Variants in HELZ observed in about 807,000 individuals in gnomAD.
The protein encoded by HELZ is ATP-dependent RNA helicase with zinc finger domain.
In HELZ, 23 loss-of-function variants were observed where a neutral mutation model predicts 218.2. The observed-to-expected ratio is 0.11, with a 90% CI of 0.08 to 0.15. The LOEUF (loss-of-function observed/expected upper bound fraction) is 0.15. Ranked by LOEUF, HELZ falls within the 10% of genes least tolerant of loss-of-function variation. HELZ has a pLI of 1.00. For synonymous variants in HELZ, 814 were observed against 829.4 expected, an observed-to-expected ratio of 0.98 and a Z score of 0.32; for missense variants, 1,813 against 2,353.7, an observed-to-expected ratio of 0.77 and a Z score of 4.75.
chr17:67,072,051 C>CT lies in HELZ; in HGVS notation c.*6200_*6201insA, dbSNP rs1345789068. 2.0e-5 allele frequency: 3 copies of CT among 152,228 alleles called. No individual in the cohort carries two copies. Among genetic ancestry groups the CT allele is most frequent in the Admixed American group, 6.6e-5 (1 of 15,232 alleles). 9.4% of individuals were successfully genotyped at this position (152,228 alleles called of 1,614,324 possible). On this transcript the variant is annotated 3_prime_UTR_variant, in exon 33 of 33. Transcript: ENST00000358691. ...ATAATAATAACCATAAAAACTAAAA[C>CT]ATTTGCCAGGCGCAGTGGCTCATGC... is the stretch of plus-strand genomic sequence containing the variant.
chr17:67,107,794 A>T, intron 30 of HELZ, 109 bp from the exon 31 acceptor site: 4 of 919,210 alleles, frequency 4.4e-6, no homozygotes, highest in Non-Finnish European at 6.6e-6. Context: ...TAGTACTAAT[A>T]ACTAGAACTG....
intron 32 of HELZ, among the ~76,000 whole-genome samples, chr17:67,086,403 G>A (rs901862926): frequency 6.6e-6 from 1 of 151,278 alleles, no homozygotes; most frequent in African/African-American, 2.4e-5. Context: ...TAGCCAACAC[G>A]GTGAAACCCC....
chr17:67,125,055 C>T (rs962170966), intron 24 of HELZ, among the ~76,000 whole-genome samples: 3 of 150,802 alleles, frequency 2.0e-5, no homozygotes, highest in Admixed American at 6.6e-5. Context: ...TTGACAAAAG[C>T]AAAAATACAA....
intron 19 of HELZ, among the ~76,000 whole-genome samples, chr17:67,149,474 A>G (rs1437350253): frequency 2.6e-5 from 4 of 152,192 alleles, no homozygotes; most frequent in Non-Finnish European, 2.9e-5. Flanking sequence ...CTAGTTTTCT[A>G]TTACACCAAA....
At chr17:67,232,538 CAA>C (rs985576153) in intron 3 of HELZ, among the ~76,000 whole-genome samples, 1 of 152,158 alleles carries the variant, frequency 6.6e-6, no homozygotes, top group African/African-American at 2.4e-5. Flanking sequence ...TTAATTCGCC[CAA>C]AGACACAAAA....
intron 5 of HELZ, among the ~76,000 whole-genome samples, chr17:67,211,673 C>CA (rs1356302365): frequency 1.3e-5 from 2 of 152,210 alleles, no homozygotes; most frequent in East Asian, 3.9e-4. Flanking sequence ...CCAGCCTGGC[C>CA]AACATGGTGA....
chr17:67,154,574 T>TA (rs1474347562), intron 17 of HELZ, among the ~76,000 whole-genome samples: 1 of 152,178 alleles, frequency 6.6e-6, no homozygotes, highest in African/African-American at 2.4e-5. Context: ...AAATTGCTAT[T>TA]AAAAGTCAGC....
Position 67,075,369 on chromosome 17 carries a change from T to C in HELZ, c.*2883A>G, listed in dbSNP as rs973755106. 6.6e-6 allele frequency: 1 copy of C among 152,128 alleles called. No individual in the cohort carries two copies. The highest frequency in any genetic ancestry group is 6.5e-5 in the Admixed American group (1 of 15,274). 9.4% of individuals were successfully genotyped at this position (152,128 alleles called of 1,614,324 possible). A position where few individuals can be genotyped will look rare whatever the true frequency, so the allele number is the denominator to read the frequency against. The stretch of plus-strand genomic sequence containing the variant: ...TAGAAAAAAATCTGCTCTGAAGAAA[T>C]GGAAGCTGGTAATACTTGGTATTAT... On this transcript the variant is annotated 3_prime_UTR_variant, in exon 33 of 33. Transcript: ENST00000358691.
chr17:67,227,602 G>A (rs2143397670), intron 3 of HELZ, among the ~76,000 whole-genome samples: 1 of 152,262 alleles, frequency 6.6e-6, no homozygotes, highest in African/African-American at 2.4e-5. Context: ...GACAAGAATG[G>A]AGCCTCAAAA....
chr17:67,126,845 G>A (rs991254790), intron 24 of HELZ, among the ~76,000 whole-genome samples: 2 of 152,130 alleles, frequency 1.3e-5, no homozygotes, highest in African/African-American at 4.8e-5. Context: ...CCGGGCAACA[G>A]AGCAAGACTG....
At chr17:67,090,119 G>A (rs1420100084) in intron 31 of HELZ, among the ~76,000 whole-genome samples, 1 of 152,034 alleles carries the variant, frequency 6.6e-6, no homozygotes, top group Non-Finnish European at 1.5e-5. Context: ...CATCCTGAGT[G>A]GACCATGCAT....
intron 3 of HELZ, among the ~76,000 whole-genome samples, chr17:67,222,891 C>T (rs1297974345): frequency 6.6e-5 from 10 of 152,032 alleles, no homozygotes; most frequent in Non-Finnish European, 1.0e-4. Context: ...CACATCGATA[C>T]ATCTGTATCT....
intron 3 of HELZ, among the ~76,000 whole-genome samples, chr17:67,221,504 GCAC>G (rs1396475117): frequency 6.6e-6 from 1 of 152,122 alleles, no homozygotes; most frequent in Non-Finnish European, 1.5e-5. Flanking sequence ...AGCTAATAAT[GCAC>G]CAGCTAAAAT....
intron 3 of HELZ, among the ~76,000 whole-genome samples, chr17:67,230,060 G>A (rs543856023): frequency 6.6e-6 from 1 of 152,282 alleles, no homozygotes; most frequent in South Asian, 2.1e-4. Flanking sequence ...TCTGCCATCT[G>A]TTTTAATGAC....
intron 14 of HELZ, 50 bp downstream of exon 14, chr17:67,167,413 G>T: frequency 7.6e-7 from 1 of 1,314,334 alleles, no homozygotes; most frequent in Non-Finnish European, 1.1e-6. Context: ...ACTACGAGCT[G>T]ATAATGAGGC....
chr17:67,102,567 G>C (rs1308421963), intron 31 of HELZ, among the ~76,000 whole-genome samples: 1 of 152,138 alleles, frequency 6.6e-6, no homozygotes, highest in Admixed American at 6.5e-5. Flanking sequence ...CATAGTGGGA[G>C]GGAAAAGCCT....
chr17:67,221,340 A>T (rs2040740161), intron 3 of HELZ, among the ~76,000 whole-genome samples: 1 of 152,196 alleles, frequency 6.6e-6, no homozygotes, highest in Admixed American at 6.5e-5. Context: ...GAGAACTACT[A>T]ATATAGACAA....
At chr17:67,203,246 T>TC (rs1369134960) in intron 6 of HELZ, 73 bp downstream of exon 6, 4 of 1,452,080 alleles carry the variant, frequency 2.8e-6, no homozygotes, top group Admixed American at 4.4e-5. Context: ...CACTTTTTTT[T>TC]CCCCACAATA....
rs1196010990 is a variant in HELZ at position 67,072,405 on chromosome 17, C to T, written c.*5847G>A. 1.3e-5 allele frequency: 2 copies of T among 152,648 alleles called. No individual in the cohort carries two copies. Among genetic ancestry groups the T allele is most frequent in the Non-Finnish European group, 2.9e-5 (2 of 68,044 alleles). 9.5% of individuals were successfully genotyped at this position (152,648 alleles called of 1,614,324 possible). A position where few individuals can be genotyped will look rare whatever the true frequency, so the allele number is the denominator to read the frequency against. Reference sequence around the variant, plus strand: ...CTGTGGTTTTCGATGCTCCATGTCACTGCCATCTTAGGACAGGGACTCCTG... The same window carrying T: ...CTGTGGTTTTCGATGCTCCATGTCATTGCCATCTTAGGACAGGGACTCCTG... On this transcript the variant is annotated 3_prime_UTR_variant, in exon 33 of 33. Transcript: ENST00000358691.
Sources: allele counts gnomAD v4.1 joint callset (sites outside exome capture counted in the v4.1 genomes callset), GRCh38; gene constraint gnomAD v4.1.1; transcripts MANE v1.5; gene names NCBI Gene and HGNC (gene_info 2026-07-23, HGNC 2026-07-21).